The following GRID2 variants were observed in gnomAD, a reference collection of about 807,000 sequenced individuals.
GRID2 encodes glutamate ionotropic receptor delta type subunit 2, also known as glutamate receptor ionotropic, delta-2.
In GRID2, 33 loss-of-function variants were observed where a neutral mutation model predicts 114.8. That is an observed-to-expected ratio of 0.29 (90% CI 0.22 to 0.38). The LOEUF is 0.38. Among genes scored for constraint, GRID2 ranks in the 10% least tolerant of loss-of-function variants. The pLI is 1.00. For missense variants in GRID2, 1,184 were observed against 1,257.7 expected, an observed-to-expected ratio of 0.94 and a Z score of 0.89; for synonymous variants, 505 against 449.9, an observed-to-expected ratio of 1.12 and a Z score of -1.55.
chr4:93,033,076 C>G (rs1724584695), intron 2 of GRID2, among the ~76,000 whole-genome samples: 1 of 152,106 alleles, frequency 6.6e-6, no homozygotes, highest in African/African-American at 2.4e-5. Flanking sequence ...TATTTTCACC[C>G]AAGTATATAT....
intron 9 of GRID2, among the ~76,000 whole-genome samples, chr4:93,416,879 T>A (rs1034123586): frequency 6.6e-6 from 1 of 152,106 alleles, no homozygotes; most frequent in Non-Finnish European, 1.5e-5. Flanking sequence ...GGTCTGTGGA[T>A]CCTCATGCTA....
intron 5 of GRID2, among the ~76,000 whole-genome samples, chr4:93,210,994 A>C (rs546915223): frequency 3.9e-5 from 6 of 152,204 alleles, no homozygotes; most frequent in African/African-American, 1.4e-4. Flanking sequence ...TTACTAGAAA[A>C]ATAAAGTGAC....
At chr4:93,023,042 G>T (rs1475356714) in intron 2 of GRID2, among the ~76,000 whole-genome samples, 1 of 151,540 alleles carries the variant, frequency 6.6e-6, no homozygotes, top group Non-Finnish European at 1.5e-5. Context: ...CAGTGCCATT[G>T]ATTTTAGGAC....
intron 14 of GRID2, among the ~76,000 whole-genome samples, chr4:93,741,120 A>G (rs1187005444): frequency 7.4e-6 from 1 of 135,878 alleles, no homozygotes; most frequent in Non-Finnish European, 1.6e-5. Context: ...AATAATCAAG[A>G]TTAGTGGTTC....
At chr4:93,212,195 T>C (rs1422281075) in intron 5 of GRID2, among the ~76,000 whole-genome samples, 3 of 152,204 alleles carry the variant, frequency 2.0e-5, no homozygotes, top group Non-Finnish European at 4.4e-5. Context: ...GTTTTGTTTG[T>C]GTAGCTATTA....
At chr4:92,404,454 A>C (rs146138999) in intron 1 of GRID2, among the ~76,000 whole-genome samples, 1 of 152,356 alleles carries the variant, frequency 6.6e-6, no homozygotes, top group Admixed American at 6.5e-5. Context: ...AAATTAGTTC[A>C]ACCATTGTGG....
intron 8 of GRID2, among the ~76,000 whole-genome samples, chr4:93,248,052 C>T (rs937038769): frequency 6.7e-6 from 1 of 148,646 alleles, no homozygotes; most frequent in Admixed American, 6.9e-5. Flanking sequence ...CAGTGGGGCA[C>T]ACTGGAATCT....
intron 13 of GRID2, among the ~76,000 whole-genome samples, chr4:93,591,999 A>G (rs989147330): frequency 1.3e-5 from 2 of 152,070 alleles, no homozygotes; most frequent in African/African-American, 2.4e-5. Context: ...GATCCTTTCA[A>G]AAAACCAGCT....
At chr4:92,583,287 A>G (rs1679570488) in intron 1 of GRID2, among the ~76,000 whole-genome samples, 1 of 152,110 alleles carries the variant, frequency 6.6e-6, no homozygotes, top group African/African-American at 2.4e-5. Context: ...TAATATTTCA[A>G]TTATTATAAA....
chr4:92,576,654 G>A (rs1466182988), intron 1 of GRID2, among the ~76,000 whole-genome samples: 1 of 152,164 alleles, frequency 6.6e-6, no homozygotes, highest in African/African-American at 2.4e-5. Context: ...ACTTTGCCCA[G>A]CTTAGTGTGT....
chr4:92,602,329 G>C (rs1295981669), intron 2 of GRID2, among the ~76,000 whole-genome samples: 2 of 152,092 alleles, frequency 1.3e-5, no homozygotes, highest in Non-Finnish European at 2.9e-5. Context: ...ACCGGATTCA[G>C]CAACACATCA....
chr4:92,934,331 G>A (rs1750471657), intron 2 of GRID2, among the ~76,000 whole-genome samples: 1 of 151,650 alleles, frequency 6.6e-6, no homozygotes, highest in Admixed American at 6.6e-5. Context: ...TTGGCTCTCT[G>A]TCTGTTATTG....
intron 2 of GRID2, among the ~76,000 whole-genome samples, chr4:92,886,311 T>C (rs1203069099): frequency 3.9e-5 from 6 of 152,032 alleles, no homozygotes; most frequent in Admixed American, 1.3e-4. Flanking sequence ...ACAATAGATA[T>C]AATCATGAAA....
chr4:92,953,207 T>C (rs932647969), intron 2 of GRID2, among the ~76,000 whole-genome samples: 2 of 152,188 alleles, frequency 1.3e-5, no homozygotes, highest in African/African-American at 2.4e-5. Flanking sequence ...GGCTTCAATA[T>C]ATTTTGAGTT....
At chr4:92,395,800 A>G (rs1016251631) in intron 1 of GRID2, among the ~76,000 whole-genome samples, 3 of 151,854 alleles carry the variant, frequency 2.0e-5, no homozygotes, top group Admixed American at 6.6e-5. Context: ...TCCTATTTCA[A>G]AGATGAGAAC....
At chr4:92,912,161 GTCT>G in intron 2 of GRID2, among the ~76,000 whole-genome samples, 1 of 151,848 alleles carries the variant, frequency 6.6e-6, no homozygotes, top group South Asian at 2.1e-4. Context: ...TTATATTTCA[GTCT>G]TCTTAGGTTT....
chr4:93,103,118 C>A (rs1731857915), intron 3 of GRID2, among the ~76,000 whole-genome samples: 1 of 152,066 alleles, frequency 6.6e-6, no homozygotes, highest in Non-Finnish European at 1.5e-5. Flanking sequence ...GAATTACCCT[C>A]CGCTTAGGGG....
chr4:92,670,853 T>C (rs1013968482), intron 2 of GRID2, among the ~76,000 whole-genome samples: 1 of 152,114 alleles, frequency 6.6e-6, no homozygotes, highest in African/African-American at 2.4e-5. Flanking sequence ...GGTTTGGACC[T>C]GAGACTGTTC....
intron 4 of GRID2, among the ~76,000 whole-genome samples, chr4:93,167,615 A>G (rs1007464111): frequency 2.6e-5 from 4 of 152,196 alleles, no homozygotes; most frequent in Non-Finnish European, 5.9e-5. Flanking sequence ...GGATGAGCCT[A>G]TAGATTAAAA....
Sources: gnomAD v4.1 joint callset for allele counts (sites outside exome capture counted in the v4.1 genomes callset) on GRCh38, gnomAD v4.1.1 for gene constraint, MANE v1.5 for transcripts, NCBI Gene and HGNC (gene_info 2026-07-23, HGNC 2026-07-21) for gene names.